Variants in BUB1 observed in about 807,000 individuals in gnomAD.
The protein encoded by BUB1 is mitotic checkpoint serine/threonine-protein kinase BUB1.
BUB1 carries 84 observed loss-of-function variants against 135.2 expected under a neutral mutation model. The observed-to-expected ratio is 0.62, with a 90% confidence interval of 0.52 to 0.74. The LOEUF (loss-of-function observed/expected upper bound fraction) is 0.74, where lower values mean the gene tolerates loss of function less well. Among genes scored for constraint, BUB1 ranks in the 30% least tolerant of loss-of-function variants. The pLI, the probability that BUB1 is intolerant of heterozygous loss-of-function variation, is 0.00. For missense variants in BUB1, 1,162 were observed against 1,288.3 expected, an observed-to-expected ratio of 0.90 and a Z score of 1.50; for synonymous variants, 403 against 434.4, an observed-to-expected ratio of 0.93 and a Z score of 0.90.
rs377726772 is a variant in BUB1 at position 110,661,712 on chromosome 2, G to A, written c.1087C>T (p.Pro363Ser). ...GCAGAAATAGCATTTGCCAAAGGAG[G>A]AACAACAGGAGGTGCCTCTCTTGGG... The part of the protein sequence containing the change: ...KNPREAPPVV[P>S]PLANAISAAL... The change falls in exon 10 of 25, where the codon CCT (proline) becomes TCT (serine). Residue 363 changes from proline to serine, a missense_variant. Pro to Ser is a moderately conservative substitution (Grantham distance 74). Coordinates refer to ENST00000302759, the MANE Select transcript of BUB1 (RefSeq NM_004336.5). 5 of 1,614,098 alleles carry A rather than the reference G, an allele frequency of 3.1e-6. No homozygotes were observed. In the African/African-American group the frequency reaches 5.3e-5, roughly 17 times the overall value.
intron 19 of BUB1, among the ~76,000 whole-genome samples, chr2:110,645,585 A>ATGTGTG (rs141013722): frequency 1.2e-3 from 183 of 146,694 alleles, no homozygotes; most frequent in East Asian, 7.0e-3. Context: ...CGTTACGTGT[A>ATGTGTG]TGTGTGTGTG....
chr2:110,652,259 G>T (rs1184375917), intron 17 of BUB1, among the ~76,000 whole-genome samples: 1 of 152,124 alleles, frequency 6.6e-6, no homozygotes, highest in Non-Finnish European at 1.5e-5. Context: ...AGCTAAGGTT[G>T]AACAAGGTGA....
In BUB1 at chr2:110,649,291, T is replaced by C. The variant is rs759273534; in HGVS notation, c.2290A>G (p.Thr764Ala). 6.2e-7 allele frequency: 1 copy of C among 1,612,900 alleles called. No individual in the cohort carries two copies. The highest frequency in any genetic ancestry group is 8.5e-7 in the Non-Finnish European group (1 of 1,179,496). ...LSKPVSSYPN[T>A]FEWQCKLPAI... is the part of the protein sequence containing the mutation. ...GGAAGTTTACATTGCCATTCAAAAG[T>C]ATTTGGATAGGAACTCACTGGTTTA... is the stretch of plus-strand genomic sequence containing the variant. Residue 764 changes from threonine to alanine, a missense_variant, in exon 19 of 25, where the codon ACT (threonine) becomes GCT (alanine). Physicochemically the swap from Thr to Ala is moderately conservative, Grantham distance 58. Transcript: ENST00000302759.
chr2:110,642,580 A>T (rs1250960207), intron 19 of BUB1: 1 of 160,446 alleles, frequency 6.2e-6, no homozygotes, highest in East Asian at 1.8e-4. Flanking sequence ...AAAGAGTACT[A>T]GTCAGGTATG....
chr2:110,661,986 C>A, intron 9 of BUB1, 145 bp from the exon 10 acceptor site: 1 of 960,216 alleles, frequency 1.0e-6, no homozygotes, highest in Admixed American at 2.9e-5. Context: ...CTTCTTCAAG[C>A]ATTCTGAAAT....
At position 110,649,264 on chromosome 2, in the gene BUB1, C is replaced by T; in HGVS notation, c.2317G>A (p.Ala773Thr). The T allele has an allele frequency of 1.2e-6, 2 of 1,611,038 alleles. No individual in the cohort carries two copies. The highest frequency in any genetic ancestry group is 1.7e-6 in the Non-Finnish European group (2 of 1,178,808). The change falls in exon 19 of 25, where the codon GCC becomes ACC. Residue 773 changes from alanine (A) to threonine (T), a missense_variant. Transcript: ENST00000302759. Reference sequence around the variant, plus strand: ...TGAAATTCAGTCTTGGGCTTGATGGCTGGAAGTTTACATTGCCATTCAAAA... The same window carrying T: ...TGAAATTCAGTCTTGGGCTTGATGGTTGGAAGTTTACATTGCCATTCAAAA... Reference protein sequence around the residue: ...NTFEWQCKLPAIKPKTEFQLG... With the variant: ...NTFEWQCKLPTIKPKTEFQLG...
rs779024863 is a variant in BUB1 at position 110,661,593 on chromosome 2, G to T, written c.1206C>A (p.Ser402Arg). 1 of 1,614,022 alleles carries T rather than the reference G, an allele frequency of 6.2e-7. No individual in the cohort carries two copies. The highest frequency in any genetic ancestry group is 1.3e-5 in the African/African-American group (1 of 75,046). Residue 402 changes from serine to arginine, a missense_variant, in exon 10 of 25, where the codon AGC (serine) becomes AGA (arginine). By Grantham distance (110) the Ser-to-Arg change is moderately radical. Coordinates refer to ENST00000302759, the MANE Select transcript of BUB1 (RefSeq NM_004336.5). The stretch of plus-strand genomic sequence containing the variant: ...TACCTTCAGCTTACCCAGCATCTTT[G>T]CTGGCCACTGCAAACATGGAGTCTG... ...TVTDSMFAVASKDAGCVNKST... is the reference protein window; with the variant it reads ...TVTDSMFAVARKDAGCVNKST...
At chr2:110,639,035 TTAAGA>T (rs1237306381) in intron 24 of BUB1, among the ~76,000 whole-genome samples, 5 of 152,144 alleles carry the variant, frequency 3.3e-5, no homozygotes, top group Admixed American at 6.5e-5. Context: ...GGCTGTACAC[TTAAGA>T]TGAGTGTACT....
At position 110,645,494 on chromosome 2, in the gene BUB1, T is replaced by C. The variant is rs933738248; in HGVS notation, c.2348-3260A>G. On this transcript the variant is annotated intron_variant, in intron 19 of 24. Transcript: ENST00000302759. ...AAAAGACATACCATGCTAACACTAA[T>C]AAAAGAAAATGTAATAATAGCTATA... Among the ~76,000 whole-genome samples the C allele has an allele frequency of 6.8e-4, 102 of 150,028 alleles. 2 individuals carry two copies. The highest frequency in any genetic ancestry group is 3.0e-4 in the Non-Finnish European group (20 of 67,456).
rs370844478 is a variant in BUB1, at chr2:110,661,785, T to C, written c.1014A>G (p.Pro338=). The C allele has an allele frequency of 1.9e-6, 3 of 1,614,218 alleles. No individual in the cohort carries two copies. The highest frequency in any genetic ancestry group is 1.1e-5 in the South Asian group (1 of 91,084). The change falls in exon 10 of 25, where the codon CCA becomes CCG. Residue 338 remains proline (P), a synonymous_variant. Transcript: ENST00000302759. ...SVGSQQELRA[P]CLPVTYQQTP... ...TCTGCTGATAGGTTACTGGAAGACA[T>C]GGCGCTCTCAGTTCCTGCTGGGAGC...
intron 6 of BUB1, among the ~76,000 whole-genome samples, chr2:110,668,844 T>C (rs1690339399): frequency 6.6e-6 from 1 of 152,200 alleles, no homozygotes; most frequent in African/African-American, 2.4e-5. Flanking sequence ...AATAGTATTT[T>C]TGAAGTTCCT....
rs116438880 is a variant in BUB1 at position 110,664,568 on chromosome 2, C to T, written c.957+1695G>A. ...AAAAACTAACCCCTCAAACATGCTG[C>T]TGTTGCCTTTTTTTTTTTTTTTTTT... On this transcript the variant is annotated intron_variant, in intron 9 of 24. Transcript: ENST00000302759. 7.6e-3 allele frequency among the ~76,000 whole-genome samples: 1,121 copies of T among 147,760 alleles called. 9 individuals are homozygous for T. The highest frequency in any genetic ancestry group is 0.027 in the African/African-American group (1,080 of 40,106).
At chr2:110,638,892 G>A (rs1051994896) in intron 24 of BUB1, among the ~76,000 whole-genome samples, 2 of 152,044 alleles carry the variant, frequency 1.3e-5, no homozygotes, top group Non-Finnish European at 2.9e-5. Flanking sequence ...CTTATGTACA[G>A]TATATGACAT....
intron 23 of BUB1, among the ~76,000 whole-genome samples, chr2:110,640,492 A>G (rs952269498): frequency 6.6e-6 from 1 of 152,178 alleles, no homozygotes; most frequent in African/African-American, 2.4e-5. Flanking sequence ...CTAATATTCT[A>G]GTTGGTTGAA....
Position 110,667,690 on chromosome 2 carries a change from G to A in BUB1, c.636C>T (p.Ile212=), listed in dbSNP as rs768765209. Residue 212 remains isoleucine (I), a synonymous_variant, in exon 8 of 25, where the codon ATC becomes ATT. Coordinates refer to ENST00000302759, the MANE Select transcript of BUB1 (RefSeq NM_004336.5). ...DKESNMERRV[I]TISKSEYSVH... is the part of the protein sequence containing the mutation. ...CAGAATATTCTGATTTAGAAATCGT[G>A]ATCACTCTTCGTTCCCTACAATGGG... 6 of 1,612,970 alleles carry A rather than the reference G, an allele frequency of 3.7e-6. 1 individual carries two copies. The South Asian group carries it at 6.6e-5, about 18-fold the overall frequency.
intron 24 of BUB1, among the ~76,000 whole-genome samples, chr2:110,638,690 T>G (rs1276234059): frequency 2.0e-5 from 3 of 152,224 alleles, no homozygotes; most frequent in Non-Finnish European, 4.4e-5. Context: ...GTGCTCCACA[T>G]AGGAAATGCC....
At chr2:110,661,371 A>G in intron 10 of BUB1, 1 of 600,550 alleles carries the variant, frequency 1.7e-6, no homozygotes. Flanking sequence ...GAAAGTATAA[A>G]ATAAATATTC....
rs567553057 is a variant in BUB1, at chr2:110,667,884, A to C, written c.568-35T>G. On this transcript the variant is annotated intron_variant, in intron 6 of 24. Transcript: ENST00000302759. ...AGAAAACAAACATGAGCATTCACTT[A>C]TCTGAGAAGAAAGCTTCACCCAAAT... 16 of 1,597,584 alleles carry C rather than the reference A, an allele frequency of 1.0e-5. No individual in the cohort carries two copies. The East Asian group carries it at 3.6e-4, about 36-fold the overall frequency.
intron 12 of BUB1, 42 bp from the exon 13 acceptor site, chr2:110,658,562 A>G: frequency 6.2e-7 from 1 of 1,613,878 alleles, no homozygotes; most frequent in African/African-American, 1.3e-5. Context: ...GTTGCAAAAG[A>G]GCTTTCATTA....
Sources: gnomAD v4.1 joint callset for allele counts (sites outside exome capture counted in the v4.1 genomes callset) on GRCh38, gnomAD v4.1.1 for gene constraint, MANE v1.5 for transcripts, NCBI Gene and HGNC (gene_info 2026-07-23, HGNC 2026-07-21) for gene names.